Variants in ARSB observed in about 807,000 individuals in gnomAD.
ARSB encodes the protein N-acetylgalactosamine-4-sulfatase.
In ARSB, 41 loss-of-function variants were observed where a neutral mutation model predicts 50.9. That is an observed-to-expected ratio of 0.81 (90% CI 0.63 to 1.04). The LOEUF (loss-of-function observed/expected upper bound fraction) is 1.04. ARSB is among the 50% of genes least tolerant of loss of function. ARSB has a pLI of 0.00. For synonymous variants in ARSB, 269 were observed against 284.8 expected (o/e 0.94, Z 0.56); for missense variants, 672 against 693.3 (o/e 0.97, Z 0.35).
rs532855601 is a variant in ARSB at position 78,838,589 on chromosome 5, G to C, written c.1213+767C>G. On this transcript the variant is annotated intron_variant, in intron 6 of 7. Transcript: ENST00000264914. The stretch of plus-strand genomic sequence containing the variant: ...CAGTATGTCCAGAAAGGAGCGGATG[G>C]GAGCCCCCATGTGAATAAGGGAATA... Among the ~76,000 whole-genome samples the C allele has an allele frequency of 9.8e-5, 15 of 152,310 alleles. No homozygotes were observed. The East Asian group carries it at 2.7e-3, about 27-fold the overall frequency.
intron 4 of ARSB, among the ~76,000 whole-genome samples, chr5:78,927,048 A>G (rs757917882): frequency 7.9e-5 from 12 of 151,986 alleles, no homozygotes; most frequent in Non-Finnish European, 1.5e-4. Context: ...CACCCAGCTA[A>G]TTTTTGTATC....
At chr5:78,867,490 C>A (rs1210414041) in intron 5 of ARSB, among the ~76,000 whole-genome samples, 1 of 152,242 alleles carries the variant, frequency 6.6e-6, no homozygotes, top group African/African-American at 2.4e-5. Flanking sequence ...TAGACTGCCT[C>A]CACAAGTGGG....
rs1390213012 is a variant in ARSB at position 78,780,561 on chromosome 5, C to T, written c.1438G>A (p.Asp480Asn). 5.6e-6 allele frequency: 9 copies of T among 1,614,044 alleles called. No individual in the cohort carries two copies. Among genetic ancestry groups the T allele is most frequent in the Admixed American group, 1.7e-5 (1 of 60,002 alleles). Residue 480 changes from aspartate (D) to asparagine (N), a missense_variant, in exon 8 of 8, where the codon GAC becomes AAC. By Grantham distance (23) the Asp-to-Asn change is conservative (BLOSUM62 1). Coordinates refer to ENST00000264914, the MANE Select transcript of ARSB (RefSeq NM_000046.5). ...KTLWLFDIDR[D>N]PEERHDLSRE... The stretch of plus-strand genomic sequence containing the variant: ...GACAGGTCATGTCTTTCTTCAGGGT[C>T]CCGATCAATATCAAAGAGCCAGAGG...
At chr5:78,793,653 C>T (rs965719682) in intron 6 of ARSB, among the ~76,000 whole-genome samples, 2 of 152,134 alleles carry the variant, frequency 1.3e-5, no homozygotes, top group Non-Finnish European at 2.9e-5. Context: ...TGATTTACTT[C>T]GTCAACAAAT....
chr5:78,896,335 T>C (rs1748557306), intron 4 of ARSB, among the ~76,000 whole-genome samples: 1 of 152,108 alleles, frequency 6.6e-6, no homozygotes, highest in Non-Finnish European at 1.5e-5. Context: ...ACACACTTCC[T>C]TCAGCTCCAA....
intron 5 of ARSB, among the ~76,000 whole-genome samples, chr5:78,873,310 C>T (rs908240933): frequency 6.6e-6 from 1 of 150,986 alleles, no homozygotes; most frequent in Non-Finnish European, 1.5e-5. Context: ...TATGTGAAAG[C>T]GTGTAGAGAA....
chr5:78,830,719 G>A (rs771305211), intron 6 of ARSB, among the ~76,000 whole-genome samples: 1 of 152,188 alleles, frequency 6.6e-6, no homozygotes, highest in Non-Finnish European at 1.5e-5. Flanking sequence ...TCCCCAAAGC[G>A]GAGGGGGCAG....
At chr5:78,892,168 T>C (rs1748329702) in intron 4 of ARSB, among the ~76,000 whole-genome samples, 1 of 151,716 alleles carries the variant, frequency 6.6e-6, no homozygotes, top group Non-Finnish European at 1.5e-5. Context: ...TTAAGTATCA[T>C]AGCCACACTC....
At chr5:78,828,708 G>A (rs1341338125) in intron 6 of ARSB, among the ~76,000 whole-genome samples, 2 of 152,118 alleles carry the variant, frequency 1.3e-5, no homozygotes, top group Admixed American at 6.5e-5. Flanking sequence ...GAAGTCTAGG[G>A]CAACACAGCA....
chr5:78,934,922 AG>A (rs1750511709), intron 4 of ARSB, among the ~76,000 whole-genome samples: 1 of 152,190 alleles, frequency 6.6e-6, no homozygotes, highest in Admixed American at 6.5e-5. Context: ...CATGGCAAAT[AG>A]ATTATATAAT....
At chr5:78,878,466 C>G (rs1747589366) in intron 5 of ARSB, among the ~76,000 whole-genome samples, 2 of 152,028 alleles carry the variant, frequency 1.3e-5, no homozygotes, top group African/African-American at 4.8e-5. Flanking sequence ...GAACTTAAAA[C>G]CTAAAATAGT....
intron 4 of ARSB, among the ~76,000 whole-genome samples, chr5:78,904,312 T>G (rs1303581221): frequency 1.3e-5 from 2 of 152,232 alleles, no homozygotes; most frequent in Non-Finnish European, 2.9e-5. Flanking sequence ...GGGTATTGTT[T>G]TTTGTGTGAA....
chr5:78,865,191 G>A (rs1158274845), intron 5 of ARSB, among the ~76,000 whole-genome samples: 1 of 152,152 alleles, frequency 6.6e-6, no homozygotes, highest in Non-Finnish European at 1.5e-5. Flanking sequence ...TCCCACCCCT[G>A]CAGCAAACTC....
Position 78,969,193 on chromosome 5 carries a change from C to A in ARSB, c.313-1G>T. 6.2e-7 allele frequency: 1 copy of A among 1,613,966 alleles called. No homozygotes were observed. The highest frequency in any genetic ancestry group is 8.5e-7 in the Non-Finnish European group (1 of 1,179,910). Reference sequence around the variant, plus strand: ...TTTGGTGCTGTAAACCTGTACGGATCTTACAGAGATAAACATAAAATTATA... The same window carrying A: ...TTTGGTGCTGTAAACCTGTACGGATATTACAGAGATAAACATAAAATTATA... On this transcript the variant is annotated splice_acceptor_variant, in intron 1 of 7. Coordinates refer to ENST00000264914, the MANE Select transcript of ARSB (RefSeq NM_000046.5). LOFTEE classifies it high-confidence loss of function.
chr5:78,848,148 A>G (rs1251484397), intron 5 of ARSB, among the ~76,000 whole-genome samples: 2 of 150,734 alleles, frequency 1.3e-5, no homozygotes, highest in Non-Finnish European at 3.0e-5. Context: ...TACATGTGCC[A>G]TGCTGTTGTG....
rs886112908 is a variant in ARSB at position 78,984,878 on chromosome 5, G to C, written c.312+59C>G. The C allele has an allele frequency of 1.1e-5, 14 of 1,241,348 alleles. No homozygotes were observed. In the Middle Eastern group the frequency reaches 1.9e-3, roughly 166 times the overall value. 76.9% of individuals were successfully genotyped at this position (1,241,348 alleles called of 1,614,324 possible). A position where few individuals can be genotyped will look rare whatever the true frequency, so the allele number is the denominator to read the frequency against. ...GCGGCCTCAAGGGCCGGGTAGGAGCGGCAGGGCGCCGGCGAAAGGCGGGGC... is the reference window on the plus strand; with the variant it reads ...GCGGCCTCAAGGGCCGGGTAGGAGCCGCAGGGCGCCGGCGAAAGGCGGGGC... On this transcript the variant is annotated intron_variant, in intron 1 of 7. Transcript: ENST00000264914.
chr5:78,827,598 C>A (rs184811946), intron 6 of ARSB, among the ~76,000 whole-genome samples: 187 of 152,272 alleles, frequency 1.2e-3, no homozygotes, highest in Non-Finnish European at 2.3e-3. Context: ...TAGTAAAAAC[C>A]AGCCTACAAA....
intron 4 of ARSB, among the ~76,000 whole-genome samples, chr5:78,894,997 A>G (rs1748497181): frequency 6.6e-6 from 1 of 152,216 alleles, no homozygotes; most frequent in Non-Finnish European, 1.5e-5. Flanking sequence ...GCAGGAGACA[A>G]AGGGATGAAC....
At chr5:78,826,219 G>C (rs1310136281) in intron 6 of ARSB, among the ~76,000 whole-genome samples, 1 of 151,886 alleles carries the variant, frequency 6.6e-6, no homozygotes, top group Non-Finnish European at 1.5e-5. Context: ...ACTACTTTTT[G>C]TATTTTCAGT....
Sources: gnomAD v4.1 joint callset for allele counts (sites outside exome capture counted in the v4.1 genomes callset) on GRCh38, gnomAD v4.1.1 for gene constraint, MANE v1.5 for transcripts, NCBI Gene and HGNC (gene_info 2026-07-23, HGNC 2026-07-21) for gene names.